HECW1: variants seen among roughly 807,000 people sequenced by gnomAD.
HECW1 encodes HECT, C2 and WW domain containing E3 ubiquitin protein ligase 1.
HECW1 carries 61 observed loss-of-function variants against 182.3 expected under a neutral mutation model. That is an observed-to-expected ratio of 0.33 (90% CI 0.27 to 0.41). The LOEUF (loss-of-function observed/expected upper bound fraction) is 0.41. Ranked by LOEUF, HECW1 falls within the 10% of genes least tolerant of loss-of-function variation. HECW1 has a pLI of 1.00. For synonymous variants in HECW1, 859 were observed against 832.6 expected (o/e 1.03, Z -0.55); for missense variants, 1,739 against 2,108.9 (o/e 0.82, Z 3.44).
Position 43,155,699 on chromosome 7 carries a change from T to G in HECW1, c.-32+41308T>G, listed in dbSNP as rs141740090. ...CGTTTTGACTTTTCTCTGCAGCAAT[T>G]GTCTCTAAGATAATAAAACCTGGCG... On this transcript the variant is annotated intron_variant, in intron 2 of 29. Coordinates refer to ENST00000395891, the MANE Select transcript of HECW1 (RefSeq NM_015052.5). Among the ~76,000 whole-genome samples, 277 of 152,336 alleles carry G rather than the reference T, an allele frequency of 1.8e-3. 3 individuals carry two copies. Among genetic ancestry groups the G allele is most frequent in the African/African-American group, 4.9e-3 (203 of 41,578 alleles).
chr7:43,408,231 A>C lies in HECW1; in HGVS notation c.801+500A>C, dbSNP rs574418806. Among the ~76,000 whole-genome samples the C allele has an allele frequency of 2.0e-4, 31 of 152,284 alleles. No individual in the cohort carries two copies. In the South Asian group the frequency reaches 4.6e-3, roughly 22 times the overall value. ...TAAATATTGTTTGATTTAAATAGAT[A>C]ATGAAGCCTAATGGTTTATCCTATC... On this transcript the variant is annotated intron_variant, in intron 8 of 29. Transcript: ENST00000395891.
chr7:43,520,278 C>T (rs1191626525), intron 24 of HECW1, among the ~76,000 whole-genome samples: 1 of 152,010 alleles, frequency 6.6e-6, no homozygotes, highest in East Asian at 1.9e-4. Context: ...TCCATTTATC[C>T]CCCCTTTACT....
chr7:43,193,446 A>G (rs536663191), intron 2 of HECW1, among the ~76,000 whole-genome samples: 1 of 152,074 alleles, frequency 6.6e-6, no homozygotes, highest in South Asian at 2.1e-4. Flanking sequence ...CAATGGTGCA[A>G]TCTTGGCTCA....
Position 43,528,624 on chromosome 7 carries a change from A to G in HECW1, c.4020-12539A>G, listed in dbSNP as rs574880163. 3.3e-5 allele frequency among the ~76,000 whole-genome samples: 5 copies of G among 152,256 alleles called. No individual in the cohort carries two copies. In the East Asian group the frequency reaches 9.7e-4, roughly 29 times the overall value. The stretch of plus-strand genomic sequence containing the variant: ...AAGAGTCTGCATAAGGTACTTTTAG[A>G]AGTGCTTTCTCTAAAAGAGAGGCAC... On this transcript the variant is annotated intron_variant, in intron 24 of 29. Coordinates refer to ENST00000395891, the MANE Select transcript of HECW1 (RefSeq NM_015052.5).
intron 6 of HECW1, among the ~76,000 whole-genome samples, chr7:43,362,716 G>C (rs1016059412): frequency 1.3e-5 from 2 of 152,226 alleles, no homozygotes; most frequent in African/African-American, 4.8e-5. Flanking sequence ...AGAAGCTAGG[G>C]AGACAGAGCA....
chr7:43,447,945 G>T (rs1296627695), intron 11 of HECW1, among the ~76,000 whole-genome samples: 1 of 152,048 alleles, frequency 6.6e-6, no homozygotes, highest in Non-Finnish European at 1.5e-5. Context: ...GGCCAACAGG[G>T]TGAAACCCTG....
chr7:43,476,394 G>A (rs971730691), intron 16 of HECW1, among the ~76,000 whole-genome samples: 1 of 152,102 alleles, frequency 6.6e-6, no homozygotes, highest in African/African-American at 2.4e-5. Context: ...TCAGAAATGG[G>A]AAATGGTTAC....
intron 8 of HECW1, among the ~76,000 whole-genome samples, chr7:43,410,194 G>T (rs914366107): frequency 6.6e-6 from 1 of 152,144 alleles, no homozygotes; most frequent in South Asian, 2.1e-4. Flanking sequence ...AAAATGACTG[G>T]GTGGCTTAAA....
At chr7:43,456,756 G>A (rs1014700196) in intron 13 of HECW1, among the ~76,000 whole-genome samples, 2 of 152,122 alleles carry the variant, frequency 1.3e-5, no homozygotes, top group Non-Finnish European at 2.9e-5. Context: ...GTTCACCAAG[G>A]ATGTCAGTGT....
At chr7:43,228,166 A>T (rs528644091) in intron 2 of HECW1, among the ~76,000 whole-genome samples, 1 of 152,190 alleles carries the variant, frequency 6.6e-6, no homozygotes. Context: ...ACGCCCAGGG[A>T]AAATATTTGC....
intron 2 of HECW1, among the ~76,000 whole-genome samples, chr7:43,151,314 G>A (rs921538105): frequency 2.0e-5 from 3 of 152,106 alleles, no homozygotes; most frequent in Admixed American, 2.0e-4. Flanking sequence ...TTAGTATTCT[G>A]CCTGGGGCAC....
chr7:43,487,676 G>A (rs558759580), intron 17 of HECW1, among the ~76,000 whole-genome samples: 1 of 152,304 alleles, frequency 6.6e-6, no homozygotes, highest in African/African-American at 2.4e-5. Flanking sequence ...AAACAAAGCA[G>A]GCCGCGGATG....
At chr7:43,249,969 G>A (rs1238846635) in intron 3 of HECW1, among the ~76,000 whole-genome samples, 1 of 151,980 alleles carries the variant, frequency 6.6e-6, no homozygotes, top group Non-Finnish European at 1.5e-5. Flanking sequence ...ATGGGTCCCG[G>A]GCCTGTTTGC....
At chr7:43,155,760 A>T (rs911603931) in intron 2 of HECW1, among the ~76,000 whole-genome samples, 2 of 152,240 alleles carry the variant, frequency 1.3e-5, no homozygotes, top group African/African-American at 2.4e-5. Flanking sequence ...CACTGATTTT[A>T]TGAAATTGAC....
In HECW1 at chr7:43,395,845, GAATATCC is replaced by G. The variant is rs2075211132; in HGVS notation, c.556-965_556-959del. 2.0e-5 allele frequency among the ~76,000 whole-genome samples: 3 copies of G among 152,296 alleles called. No homozygotes were observed. In the South Asian group the frequency reaches 6.2e-4, roughly 32 times the overall value. On this transcript the variant is annotated intron_variant, in intron 6 of 29. Transcript: ENST00000395891. Reference sequence around the variant, plus strand: ...AGTCTCATATCAGGCAGGTTGATGTGAATATCCAATCACAACCTATACAGCATCAAGA... The same window carrying G: ...AGTCTCATATCAGGCAGGTTGATGTGAATCACAACCTATACAGCATCAAGA...
chr7:43,468,330 A>G (rs1486399765), intron 15 of HECW1, among the ~76,000 whole-genome samples: 2 of 152,132 alleles, frequency 1.3e-5, no homozygotes, highest in Non-Finnish European at 2.9e-5. Flanking sequence ...AGAAGGGACC[A>G]TGGAGGAGAG....
intron 24 of HECW1, among the ~76,000 whole-genome samples, chr7:43,512,885 C>T (rs1238209064): frequency 2.6e-5 from 4 of 152,320 alleles, no homozygotes; most frequent in East Asian, 1.9e-4. Context: ...GAGGCAGCAA[C>T]TTTGCAGTGG....
rs1002839286 is a variant in HECW1 at position 43,565,864 on chromosome 7, C to A, written c.*3938C>A. 5.3e-6 allele frequency: 1 copy of A among 190,126 alleles called. No individual in the cohort carries two copies. Among genetic ancestry groups the A allele is most frequent in the African/African-American group, 2.3e-5 (1 of 42,868 alleles). 11.8% of individuals were successfully genotyped at this position (190,126 alleles called of 1,614,324 possible). On this transcript the variant is annotated 3_prime_UTR_variant, in exon 30 of 30. Coordinates refer to ENST00000395891, the MANE Select transcript of HECW1 (RefSeq NM_015052.5). Reference sequence around the variant, plus strand: ...ATTTTGTTCAAAAGTCTGTTCTAGTCAATAGCAGGAGAAGTCCACGTTATT... The same window carrying A: ...ATTTTGTTCAAAAGTCTGTTCTAGTAAATAGCAGGAGAAGTCCACGTTATT...
intron 6 of HECW1, among the ~76,000 whole-genome samples, chr7:43,364,463 A>G (rs1353780547): frequency 6.6e-6 from 1 of 152,238 alleles, no homozygotes; most frequent in Non-Finnish European, 1.5e-5. Context: ...ATAAATTATA[A>G]TACTATATAA....
Sources: allele counts gnomAD v4.1 joint callset (sites outside exome capture counted in the v4.1 genomes callset), GRCh38; gene constraint gnomAD v4.1.1; transcripts MANE v1.5; gene names NCBI Gene and HGNC (gene_info 2026-07-23, HGNC 2026-07-21).